The following FHOD3 variants were observed in gnomAD, a reference collection of about 807,000 sequenced individuals.
FHOD3 encodes formin homology 2 domain containing 3.
In FHOD3, 90 loss-of-function variants were observed where a neutral mutation model predicts 173.0. The observed-to-expected ratio is 0.52, with a 90% CI of 0.44 to 0.62. FHOD3 has a LOEUF of 0.62. Among genes scored for constraint, FHOD3 ranks in the 20% least tolerant of loss-of-function variants. The pLI, the probability that FHOD3 is intolerant of heterozygous loss-of-function variation, is 0.00. For synonymous variants in FHOD3, 828 were observed against 823.0 expected, an observed-to-expected ratio of 1.01 and a Z score of -0.10; for missense variants, 1,945 against 2,034.7, an observed-to-expected ratio of 0.96 and a Z score of 0.85.
intron 3 of FHOD3, among the ~76,000 whole-genome samples, chr18:36,442,594 T>C (rs746043354): frequency 3.3e-5 from 5 of 152,212 alleles, no homozygotes; most frequent in Non-Finnish European, 7.3e-5. Flanking sequence ...TTTTATATTT[T>C]AGCTTTTCAT....
At chr18:36,760,834 G>C (rs1165036737) in intron 27 of FHOD3, 52 bp downstream of exon 27, 3 of 1,516,622 alleles carry the variant, frequency 2.0e-6, no homozygotes, top group Non-Finnish European at 8.8e-7. Context: ...TGGCCGCTCT[G>C]GGGGGGTCCG....
chr18:36,475,183 C>T (rs990377223), intron 3 of FHOD3, among the ~76,000 whole-genome samples: 3 of 152,118 alleles, frequency 2.0e-5, no homozygotes, highest in Admixed American at 6.6e-5. Flanking sequence ...CCCAGAAGCC[C>T]ACAGGTGGTT....
intron 9 of FHOD3, among the ~76,000 whole-genome samples, chr18:36,622,501 C>T (rs978018253): frequency 1.9e-4 from 29 of 152,194 alleles, no homozygotes; most frequent in African/African-American, 7.0e-4. Flanking sequence ...ATTCTGGACC[C>T]TACTTGCTCC....
At chr18:36,546,614 TA>T (rs1026851142) in intron 5 of FHOD3, among the ~76,000 whole-genome samples, 3 of 152,116 alleles carry the variant, frequency 2.0e-5, no homozygotes, top group African/African-American at 7.2e-5. Flanking sequence ...GCTGGAATGG[TA>T]ATTAATGAGA....
intron 17 of FHOD3, among the ~76,000 whole-genome samples, chr18:36,708,871 C>T (rs1600346698): frequency 6.6e-6 from 1 of 152,182 alleles, no homozygotes; most frequent in Non-Finnish European, 1.5e-5. Flanking sequence ...ATCTAGTAAA[C>T]CTCCATATCG....
At chr18:36,598,701 C>T (rs2030884414) in intron 7 of FHOD3, among the ~76,000 whole-genome samples, 2 of 152,126 alleles carry the variant, frequency 1.3e-5, no homozygotes, top group Non-Finnish European at 2.9e-5. Flanking sequence ...AGGCACCCGC[C>T]ACCTCACCTG....
chr18:36,591,733 C>G (rs928702819), intron 6 of FHOD3, among the ~76,000 whole-genome samples: 21 of 144,366 alleles, frequency 1.5e-4, no homozygotes, highest in Non-Finnish European at 2.6e-4. Context: ...GTCTGGGCAA[C>G]ATAGAGAGAC....
chr18:36,673,558 G>GT (rs1188729719), intron 14 of FHOD3, among the ~76,000 whole-genome samples: 1 of 152,184 alleles, frequency 6.6e-6, no homozygotes, highest in Non-Finnish European at 1.5e-5. Flanking sequence ...GTCCCTGACA[G>GT]TAGTGAACAC....
intron 3 of FHOD3, among the ~76,000 whole-genome samples, chr18:36,492,769 C>T (rs1287640118): frequency 6.6e-6 from 1 of 152,206 alleles, no homozygotes; most frequent in Non-Finnish European, 1.5e-5. Context: ...CAAGCCTCCA[C>T]TACTCACAGT....
Position 36,534,287 on chromosome 18 carries a change from G to A in FHOD3, c.511+21744G>A, listed in dbSNP as rs532304897. ...GTTTCCTTGCCTGCCTCTGGGTAAT[G>A]CTGTGCTGTTGTTTCTAAAGAGTGA... is the stretch of plus-strand genomic sequence containing the variant. On this transcript the variant is annotated intron_variant, in intron 5 of 28. Transcript: ENST00000590592. Among the ~76,000 whole-genome samples the A allele has an allele frequency of 9.9e-5, 15 of 152,174 alleles. No homozygotes were observed. In the East Asian group the frequency reaches 2.9e-3, roughly 30 times the overall value.
intron 3 of FHOD3, among the ~76,000 whole-genome samples, chr18:36,471,633 G>A (rs748245365): frequency 2.0e-4 from 31 of 152,176 alleles, no homozygotes; most frequent in Non-Finnish European, 3.8e-4. Context: ...AGTTCTTCTT[G>A]AGGTTTTGGT....
chr18:36,499,460 G>C (rs1034795898), intron 3 of FHOD3, among the ~76,000 whole-genome samples: 2 of 152,164 alleles, frequency 1.3e-5, no homozygotes, highest in Non-Finnish European at 2.9e-5. Context: ...GTTCTTCCTG[G>C]ATAGGATAAA....
At chr18:36,610,559 G>A (rs1443760419) in intron 8 of FHOD3, among the ~76,000 whole-genome samples, 1 of 152,180 alleles carries the variant, frequency 6.6e-6, no homozygotes, top group Non-Finnish European at 1.5e-5. Context: ...GAATAATTAG[G>A]CTATCACATT....
chr18:36,534,321 G>A (rs779107486), intron 5 of FHOD3, among the ~76,000 whole-genome samples: 46 of 152,160 alleles, frequency 3.0e-4, no homozygotes, highest in Non-Finnish European at 6.3e-4. Flanking sequence ...GAGAAAAGAA[G>A]ACAGTGTCTC....
chr18:36,779,338 G>A (rs1395565745), intron 28 of FHOD3, 110 bp from the exon 29 acceptor site: 3 of 941,316 alleles, frequency 3.2e-6, no homozygotes, highest in Non-Finnish European at 5.0e-6. Context: ...TGGCTTCTCT[G>A]GAAGTCCCTG....
At chr18:36,658,041 T>G in intron 13 of FHOD3, 34 bp from the exon 14 acceptor site, 1 of 1,468,950 alleles carries the variant, frequency 6.8e-7, no homozygotes, top group South Asian at 1.1e-5. Flanking sequence ...TTCTCTATCC[T>G]TTTCCCCCCA....
At position 36,577,998 on chromosome 18, in the gene FHOD3, C is replaced by T. The variant is rs137990503; in HGVS notation, c.606+1453C>T. On this transcript the variant is annotated intron_variant, in intron 6 of 28. Transcript: ENST00000590592. Reference sequence around the variant, plus strand: ...AGGTTAAAGTGCTGTACGGGTGGCACGTTATGGAGATCAGAGTGGCTGTAG... The same window carrying T: ...AGGTTAAAGTGCTGTACGGGTGGCATGTTATGGAGATCAGAGTGGCTGTAG... 2.8e-3 allele frequency among the ~76,000 whole-genome samples: 424 copies of T among 152,196 alleles called. 3 individuals carry two copies. Among genetic ancestry groups the T allele is most frequent in the African/African-American group, 0.01 (416 of 41,498 alleles).
At chr18:36,410,308 G>A (rs1599009528) in intron 3 of FHOD3, among the ~76,000 whole-genome samples, 2 of 151,982 alleles carry the variant, frequency 1.3e-5, no homozygotes, top group African/African-American at 2.4e-5. Flanking sequence ...AACTTCTCAA[G>A]GTTCATCCAT....
chr18:36,681,229 C>G (rs2038217317), intron 14 of FHOD3, among the ~76,000 whole-genome samples: 1 of 152,052 alleles, frequency 6.6e-6, no homozygotes, highest in Non-Finnish European at 1.5e-5. Context: ...CACCTTTTCT[C>G]CTGCGAGCAC....
Sources: allele counts gnomAD v4.1 joint callset (sites outside exome capture counted in the v4.1 genomes callset), GRCh38; gene constraint gnomAD v4.1.1; transcripts MANE v1.5; gene names NCBI Gene and HGNC (gene_info 2026-07-23, HGNC 2026-07-21).